NWD1: variants seen among roughly 807,000 people sequenced by gnomAD.
NWD1 encodes NACHT domain- and WD repeat-containing protein 1.
In NWD1, 129 loss-of-function variants were observed where a neutral mutation model predicts 135.1. That is an observed-to-expected ratio of 0.96 (90% CI 0.83 to 1.11). NWD1 has a LOEUF of 1.11. Ranked by LOEUF, NWD1 falls within the 50% of genes least tolerant of loss-of-function variation. The pLI, the probability that NWD1 is intolerant of heterozygous loss-of-function variation, is 0.00. For synonymous variants in NWD1, 773 were observed against 786.0 expected (o/e 0.98, Z 0.28); for missense variants, 1,740 against 1,851.3 (o/e 0.94, Z 1.10).
intron 13 of NWD1, among the ~76,000 whole-genome samples, chr19:16,790,062 T>G (rs141389385): frequency 7.5e-4 from 114 of 152,276 alleles, no homozygotes; most frequent in African/African-American, 2.7e-3. Context: ...CTGAAAACAA[T>G]GTCTGTTCCA....
chr19:16,779,796 C>G (rs773735618), intron 12 of NWD1, among the ~76,000 whole-genome samples: 1 of 151,934 alleles, frequency 6.6e-6, no homozygotes, highest in Admixed American at 6.6e-5. Flanking sequence ...ACCACTATAC[C>G]CAGCTAATTT....
chr19:16,722,471 T>G (rs1038767261), intron 1 of NWD1, among the ~76,000 whole-genome samples: 9 of 151,908 alleles, frequency 5.9e-5, no homozygotes, highest in Non-Finnish European at 1.2e-4. Flanking sequence ...GTATTTTTAG[T>G]AGAGGCGGGG....
At chr19:16,788,018 C>T (rs959193342) in intron 12 of NWD1, among the ~76,000 whole-genome samples, 3 of 147,776 alleles carry the variant, frequency 2.0e-5, no homozygotes, top group East Asian at 4.0e-4. Flanking sequence ...CACCTGAGGT[C>T]AGGAGTTCGA....
At chr19:16,728,181 G>C (rs995857710) in intron 2 of NWD1, among the ~76,000 whole-genome samples, 1 of 152,046 alleles carries the variant, frequency 6.6e-6, no homozygotes, top group African/African-American at 2.4e-5. Flanking sequence ...AACCAGGGTG[G>C]AGCATTTAAA....
In NWD1 at chr19:16,750,154, C is replaced by G. The variant is rs1205251981; in HGVS notation, c.1512C>G (p.Ile504Met). The G allele has an allele frequency of 1.2e-6, 2 of 1,613,782 alleles. No homozygotes were observed. Among genetic ancestry groups the G allele is most frequent in the Non-Finnish European group, 8.5e-7 (1 of 1,179,954 alleles). Residue 504 changes from isoleucine (I) to methionine (M), a missense_variant, in exon 6 of 19, where the codon ATC becomes ATG. Ile to Met is a conservative substitution (Grantham distance 10). Coordinates refer to ENST00000524140, the MANE Select transcript of NWD1 (RefSeq NM_001007525.5). Reference sequence around the variant, plus strand: ...CCGGAAACCAAGGCCAGCAGATGATCCAACTCCTGCTGGCAGCTGCAAGGA... The same window carrying G: ...CCGGAAACCAAGGCCAGCAGATGATGCAACTCCTGCTGGCAGCTGCAAGGA... ...PLSGNQGQQM[I>M]QLLLAAARRT... is the part of the protein sequence containing the mutation.
chr19:16,757,248 A>G (rs1968833069), intron 6 of NWD1, among the ~76,000 whole-genome samples: 1 of 152,080 alleles, frequency 6.6e-6, no homozygotes, highest in Non-Finnish European at 1.5e-5. Flanking sequence ...TACAACACAC[A>G]GGACGGTCCC....
chr19:16,746,152 G>C (rs906360554), intron 5 of NWD1, among the ~76,000 whole-genome samples: 5 of 149,008 alleles, frequency 3.4e-5, no homozygotes, highest in African/African-American at 9.9e-5. Flanking sequence ...CCCCGAGTTG[G>C]AGACCAGTCT....
intron 18 of NWD1, among the ~76,000 whole-genome samples, chr19:16,813,712 G>A (rs1020503139): frequency 6.6e-6 from 1 of 151,880 alleles, no homozygotes; most frequent in Non-Finnish European, 1.5e-5. Context: ...CCTGACCTTG[G>A]GTGATCCACC....
intron 16 of NWD1, 33 bp downstream of exon 16, chr19:16,797,919 C>T: frequency 6.3e-7 from 1 of 1,582,918 alleles, no homozygotes; most frequent in Non-Finnish European, 8.6e-7. Context: ...TCATCCTCAC[C>T]TCCACCTCGG....
At chr19:16,764,537 A>G (rs1211186819) in intron 9 of NWD1, among the ~76,000 whole-genome samples, 2 of 151,116 alleles carry the variant, frequency 1.3e-5, no homozygotes, top group Non-Finnish European at 2.9e-5. Context: ...CATTCTATCT[A>G]TCTATCCATG....
intron 11 of NWD1, 73 bp from the exon 12 acceptor site, chr19:16,779,270 A>G: frequency 1.9e-6 from 3 of 1,566,192 alleles, no homozygotes; most frequent in Non-Finnish European, 2.6e-6. Flanking sequence ...TGGGGGGCTC[A>G]TTAGAGGACC....
chr19:16,799,499 ATTTATT>A lies in NWD1; in HGVS notation c.3460-371_3460-366del, dbSNP rs934628125. ...GTGAGCCACTGCACCTGGCCTATTT[ATTTATT>A]TTTATTTTTATTTTTTTTGAGACGG... is the stretch of plus-strand genomic sequence containing the variant. On this transcript the variant is annotated intron_variant, in intron 16 of 18. Coordinates refer to ENST00000524140, the MANE Select transcript of NWD1 (RefSeq NM_001007525.5). Among the ~76,000 whole-genome samples the A allele has an allele frequency of 4.0e-5, 6 of 149,546 alleles. No individual in the cohort carries two copies. In the Admixed American group the frequency reaches 4.0e-4, roughly 10 times the overall value.
intron 14 of NWD1, among the ~76,000 whole-genome samples, chr19:16,792,031 A>G (rs1007569181): frequency 9.9e-5 from 15 of 152,036 alleles, no homozygotes; most frequent in Non-Finnish European, 1.8e-4. Flanking sequence ...TGGCTTCTTA[A>G]TCGTAGGGAT....
rs148546939 is a variant in NWD1, at chr19:16,792,017, C to T, written c.3213+395C>T. Among the ~76,000 whole-genome samples the T allele has an allele frequency of 1.5e-3, 227 of 152,218 alleles. 1 individual carries two copies. The highest frequency in any genetic ancestry group is 5.0e-3 in the African/African-American group (206 of 41,544). ...GCATGAGCCACCGTGCCCGGCCACA[C>T]GCTTGGCTTCTTAATCGTAGGGATT... On this transcript the variant is annotated intron_variant, in intron 14 of 18. Coordinates refer to ENST00000524140, the MANE Select transcript of NWD1 (RefSeq NM_001007525.5).
chr19:16,787,993 C>A (rs1044299293), intron 12 of NWD1, among the ~76,000 whole-genome samples: 4 of 147,658 alleles, frequency 2.7e-5, no homozygotes, highest in African/African-American at 9.9e-5. Flanking sequence ...CTGTGGGAGG[C>A]CGAGGTGGGT....
intron 15 of NWD1, among the ~76,000 whole-genome samples, chr19:16,795,367 G>T (rs912145873): frequency 4.6e-5 from 7 of 151,950 alleles, no homozygotes; most frequent in African/African-American, 1.7e-4. Flanking sequence ...AACACAAGGG[G>T]TCCACGACCC....
In NWD1 at chr19:16,808,026, T is replaced by A. The variant is rs763989600; in HGVS notation, c.4177T>A (p.Cys1393Ser). 1 of 1,614,142 alleles carries A rather than the reference T, an allele frequency of 6.2e-7. No homozygotes were observed. ...PLETHRSRVACVEVSHKEQLV... is the reference protein window; with the variant it reads ...PLETHRSRVASVEVSHKEQLV... Reference sequence around the variant, plus strand: ...GGAGACCCACAGGAGCCGAGTTGCCTGTGTGGAGGTCAGCCACAAGGAGCA... The same window carrying A: ...GGAGACCCACAGGAGCCGAGTTGCCAGTGTGGAGGTCAGCCACAAGGAGCA... The change falls in exon 18 of 19, where the codon TGT (cysteine) becomes AGT (serine). Residue 1393 changes from cysteine (C) to serine (S), a missense_variant. Transcript: ENST00000524140.
At chr19:16,773,809 CA>C (rs147414453) in intron 11 of NWD1, among the ~76,000 whole-genome samples, 6,742 of 152,094 alleles carry the variant, frequency 0.044, 185 homozygotes, top group African/African-American at 0.081. Context: ...TCCTTTCATT[CA>C]CCTTCCTACT....
chr19:16,722,425 G>T (rs368196501), intron 1 of NWD1, among the ~76,000 whole-genome samples: 7 of 151,856 alleles, frequency 4.6e-5, no homozygotes, highest in African/African-American at 1.7e-4. Context: ...GAGTAGCTGG[G>T]ATTACAGGCA....
Sources: allele counts gnomAD v4.1 joint callset (sites outside exome capture counted in the v4.1 genomes callset), GRCh38; gene constraint gnomAD v4.1.1; transcripts MANE v1.5; gene names NCBI Gene and HGNC (gene_info 2026-07-23, HGNC 2026-07-21).